Variants in SEC23A observed in about 807,000 individuals in gnomAD.
The protein encoded by SEC23A is SEC23 homolog A, COPII component.
In SEC23A, 56 loss-of-function variants were observed where a neutral mutation model predicts 103.7. The ratio of observed to expected loss-of-function variants is 0.54; its 90% CI spans 0.44 to 0.67. SEC23A has a LOEUF of 0.67. Among genes scored for constraint, SEC23A ranks in the 30% least tolerant of loss-of-function variants. The pLI is 0.00. For synonymous variants in SEC23A, 281 were observed against 293.0 expected (o/e 0.96, Z 0.42); for missense variants, 784 against 936.4 (o/e 0.84, Z 2.12).
chr14:39,055,172 TAAGCACA>T lies in SEC23A; in HGVS notation c.1623_1629del (p.Asp541GlufsTer42), dbSNP rs778116164. ...CGAATGAGCTGTCTGTCCAGCCACC[TAAGCACA>T]TCTGGACCTTCTTCTGTTTCTGCTC... On this transcript the variant is annotated frameshift_variant, in exon 14 of 20. Transcript: ENST00000307712. LOFTEE classifies it high-confidence loss of function. 2 of 1,614,230 alleles carry T rather than the reference TAAGCACA, an allele frequency of 1.2e-6. No individual in the cohort carries two copies. Among genetic ancestry groups the T allele is most frequent in the South Asian group, 2.2e-5 (2 of 91,080 alleles).
At chr14:39,094,387 CACACACACACATATATATATATATATAT>C (rs1303467418) in intron 2 of SEC23A, among the ~76,000 whole-genome samples, 4 of 53,262 alleles carry the variant, frequency 7.5e-5, no homozygotes, top group Non-Finnish European at 1.5e-4. Context: ...CACACACACA[CACACACACACATATATATATATATATAT>C]ATATATATAT....
chr14:39,053,038 G>A (rs753265077), intron 14 of SEC23A, among the ~76,000 whole-genome samples: 11 of 152,150 alleles, frequency 7.2e-5, no homozygotes, highest in Non-Finnish European at 7.3e-5. Context: ...CAGAGGCGGA[G>A]GCAGGAGAAT....
In SEC23A at chr14:39,074,480, A is replaced by G; in HGVS notation, c.1038T>C (p.Asp346=). ...NRAATTGHVI[D]IYACALDQTG... ...TCTGATCTAATGCACACGCATAGAT[A>G]TCAATAACATGGCCAGTTGTAGCAG... is the stretch of plus-strand genomic sequence containing the variant. The change falls in exon 9 of 20, where the codon GAT becomes GAC. Residue 346 remains aspartate, a synonymous_variant. Transcript: ENST00000307712. The G allele has an allele frequency of 6.2e-7, 1 of 1,613,736 alleles. No homozygotes were observed. The highest frequency in any genetic ancestry group is 8.5e-7 in the Non-Finnish European group (1 of 1,179,850).
Position 39,033,096 on chromosome 14 carries a change from A to AT in SEC23A, c.*142dup. On this transcript the variant is annotated 3_prime_UTR_variant, in exon 20 of 20. Transcript: ENST00000307712. ...TCCAGCTTAATCTACAAATGTGAAC[A>AT]TTTTCCATATGTTGTCTCAAACCAT... The AT allele has an allele frequency of 1.5e-6, 1 of 665,922 alleles. No homozygotes were observed. 41.3% of individuals were successfully genotyped at this position (665,922 alleles called of 1,614,324 possible). A position where few individuals can be genotyped will look rare whatever the true frequency, so the allele number is the denominator to read the frequency against.
intron 14 of SEC23A, among the ~76,000 whole-genome samples, chr14:39,053,303 T>C (rs1015501748): frequency 1.3e-5 from 2 of 152,212 alleles, no homozygotes; most frequent in Non-Finnish European, 2.9e-5. Flanking sequence ...GTTTCAATGA[T>C]GTCATGTCAG....
intron 5 of SEC23A, chr14:39,091,081 G>A: frequency 2.4e-6 from 1 of 413,816 alleles, no homozygotes; most frequent in Non-Finnish European, 4.5e-6. Context: ...TGATGACATG[G>A]ACTTTGGTCT....
chr14:39,044,976 C>T (rs532238276), intron 16 of SEC23A, among the ~76,000 whole-genome samples, 187 bp downstream of exon 16: 26 of 152,284 alleles, frequency 1.7e-4, no homozygotes, highest in African/African-American at 5.5e-4. Context: ...ATACAGCCTA[C>T]ATGGTATCTA....
chr14:39,042,936 A>C, intron 16 of SEC23A, 64 bp from the exon 17 acceptor site: 1 of 995,094 alleles, frequency 1.0e-6, no homozygotes, highest in Non-Finnish European at 1.6e-6. Flanking sequence ...ATAATATAAA[A>C]TAGATGTTTC....
rs1439795925 is a variant in SEC23A, at chr14:39,040,868, T to A, written c.2006A>T (p.Lys669Met). Residue 669 changes from lysine (K) to methionine (M), a missense_variant, in exon 18 of 20, where the codon AAG becomes ATG. Lys to Met is a moderately conservative substitution (Grantham distance 95). Transcript: ENST00000307712. ...YHGETIAQWR[K>M]SGYQDMPEYE... ...CTCAGGCATATCCTGGTATCCTGAC[T>A]TCCGCCACTGTGCTATGGTCTAATT... 3 of 1,614,024 alleles carry A rather than the reference T, an allele frequency of 1.9e-6. No individual in the cohort carries two copies. In the African/African-American group the frequency reaches 4.0e-5, roughly 22 times the overall value.
chr14:39,043,395 C>A (rs144586311), intron 16 of SEC23A, among the ~76,000 whole-genome samples: 2 of 152,058 alleles, frequency 1.3e-5, no homozygotes, highest in African/African-American at 4.8e-5. Flanking sequence ...GCTGAGGTAA[C>A]AAACAATTTA....
intron 6 of SEC23A, 48 bp from the exon 7 acceptor site, chr14:39,085,954 G>T: frequency 6.7e-7 from 1 of 1,500,310 alleles, no homozygotes; most frequent in Non-Finnish European, 9.3e-7. Context: ...GTTTATGGGT[G>T]AGAGTTCGAT....
intron 10 of SEC23A, 75 bp downstream of exon 10, chr14:39,067,098 G>A (rs1460751928): frequency 2.6e-6 from 4 of 1,533,898 alleles, no homozygotes; most frequent in African/African-American, 2.7e-5. Flanking sequence ...TTGATTAATG[G>A]CATTTTAGAA....
At chr14:39,042,981 T>G (rs1395955512) in intron 16 of SEC23A, 109 bp from the exon 17 acceptor site, 1 of 751,984 alleles carries the variant, frequency 1.3e-6, no homozygotes, top group Non-Finnish European at 2.2e-6. Flanking sequence ...ATTTATTTAT[T>G]TATTTATTTT....
At chr14:39,088,998 C>G (rs1316915371) in intron 5 of SEC23A, among the ~76,000 whole-genome samples, 1 of 151,498 alleles carries the variant, frequency 6.6e-6, no homozygotes, top group Non-Finnish European at 1.5e-5. Flanking sequence ...GAAACCCGGT[C>G]TCTACTAAAA....
chr14:39,046,551 G>A (rs555076834), intron 15 of SEC23A, among the ~76,000 whole-genome samples: 1 of 151,934 alleles, frequency 6.6e-6, no homozygotes, highest in Admixed American at 6.5e-5. Flanking sequence ...AGCAACATGA[G>A]AACGAATACC....
chr14:39,098,088 CAA>C (rs796178094), intron 1 of SEC23A, among the ~76,000 whole-genome samples: 1 of 135,580 alleles, frequency 7.4e-6, no homozygotes, highest in African/African-American at 2.7e-5. Flanking sequence ...GACTCCATCT[CAA>C]AAAAAAAAAC....
At chr14:39,072,159 G>A (rs1044921943) in intron 9 of SEC23A, among the ~76,000 whole-genome samples, 2 of 151,710 alleles carry the variant, frequency 1.3e-5, no homozygotes, top group African/African-American at 4.8e-5. Context: ...TTGAACCCAG[G>A]AGGCAGAAGT....
intron 7 of SEC23A, among the ~76,000 whole-genome samples, chr14:39,085,444 T>C (rs1324688426): frequency 2.6e-5 from 4 of 152,180 alleles, no homozygotes; most frequent in Non-Finnish European, 4.4e-5. Context: ...CAACCTACTA[T>C]GTGACTGGCA....
chr14:39,070,337 A>G (rs1594462663), intron 9 of SEC23A, among the ~76,000 whole-genome samples: 1 of 152,242 alleles, frequency 6.6e-6, no homozygotes, highest in South Asian at 2.1e-4. Context: ...TTCAAAAATA[A>G]TAACTGCTCA....
Sources: allele counts gnomAD v4.1 joint callset (sites outside exome capture counted in the v4.1 genomes callset), GRCh38; gene constraint gnomAD v4.1.1; transcripts MANE v1.5; gene names NCBI Gene and HGNC (gene_info 2026-07-23, HGNC 2026-07-21).